Variants in TLDC2 observed in about 807,000 individuals in gnomAD.
TLDC2 encodes TBC/LysM-associated domain containing 2.
In TLDC2, 23 loss-of-function variants were observed where a neutral mutation model predicts 27.9. That is an observed-to-expected ratio of 0.82 (90% CI 0.59 to 1.17). The LOEUF is 1.17. Among genes scored for constraint, TLDC2 ranks in the 50% most tolerant of loss-of-function variants. TLDC2 has a pLI of 0.00. For missense variants in TLDC2, 286 were observed against 273.4 expected (o/e 1.05, Z -0.32); for synonymous variants, 124 against 107.4 (o/e 1.16, Z -0.96).
rs968013512 is a variant in TLDC2, at chr20:36,892,898, G to A, written c.*54G>A. Reference sequence around the variant, plus strand: ...TGAAGCCTCTAAATGAATTGTGCAGGAGAGGGAGTTTGTAAACAACTGACT... The same window carrying A: ...TGAAGCCTCTAAATGAATTGTGCAGAAGAGGGAGTTTGTAAACAACTGACT... On this transcript the variant is annotated 3_prime_UTR_variant, in exon 7 of 7. Transcript: ENST00000217320. 1 of 1,613,154 alleles carries A rather than the reference G, an allele frequency of 6.2e-7. No individual in the cohort carries two copies. The highest frequency in any genetic ancestry group is 8.5e-7 in the Non-Finnish European group (1 of 1,179,174).
At position 36,893,014 on chromosome 20, in the gene TLDC2, T is replaced by C. The variant is rs2148352199; in HGVS notation, c.*170T>C. On this transcript the variant is annotated 3_prime_UTR_variant, in exon 7 of 7. Coordinates refer to ENST00000217320, the MANE Select transcript of TLDC2 (RefSeq NM_080628.3). ...AGTTGGATTTTGGACTGAAGTACTG[T>C]CGTTCCATTCCTTTTTTTGAGGTGT... The C allele has an allele frequency of 6.2e-7, 1 of 1,614,110 alleles. No individual in the cohort carries two copies. The highest frequency in any genetic ancestry group is 8.5e-7 in the Non-Finnish European group (1 of 1,180,024).
At chr20:36,885,404 T>C (rs556424925) in intron 4 of TLDC2, among the ~76,000 whole-genome samples, 1 of 152,334 alleles carries the variant, frequency 6.6e-6, no homozygotes, top group Non-Finnish European at 1.5e-5. Flanking sequence ...AATTGGTTAA[T>C]TCTTGGCTAT....
rs1204307647 is a variant in TLDC2 at position 36,893,431 on chromosome 20, T to C, written c.*587T>C. On this transcript the variant is annotated 3_prime_UTR_variant, in exon 7 of 7. Transcript: ENST00000217320. ...AACCCCTAGCTTCTCTCTCGCCTGG[T>C]CCCCTCTGCAATAAAAGGCCCAGGT... 2.9e-6 allele frequency: 1 copy of C among 341,252 alleles called. No homozygotes were observed. The highest frequency in any genetic ancestry group is 2.1e-5 in the African/African-American group (1 of 47,844). The allele number at this position is 341,252 out of a possible 1,614,324, so 21.1% of individuals were successfully genotyped here.
intron 6 of TLDC2, 116 bp downstream of exon 6, chr20:36,889,519 CT>C: frequency 2.3e-6 from 3 of 1,304,022 alleles, no homozygotes; most frequent in South Asian, 1.6e-5. Flanking sequence ...GGCCAGCCTC[CT>C]TGTGGCCTGG....
rs1990114422 is a variant in TLDC2, at chr20:36,892,970, T to C, written c.*126T>C. The C allele has an allele frequency of 1.2e-6, 2 of 1,614,142 alleles. No homozygotes were observed. Among genetic ancestry groups the C allele is most frequent in the Non-Finnish European group, 1.7e-6 (2 of 1,180,028 alleles). ...TCTTTAAAAAGCTGGACTCTGCTTT[T>C]GGATGCTTCTCGGAGGCGAGTTGGA... On this transcript the variant is annotated 3_prime_UTR_variant, in exon 7 of 7. Coordinates refer to ENST00000217320, the MANE Select transcript of TLDC2 (RefSeq NM_080628.3).
Position 36,892,209 on chromosome 20 carries a change from C to T in TLDC2, c.*18-653C>T, listed in dbSNP as rs567631446. On this transcript the variant is annotated intron_variant, in intron 6 of 6. Transcript: ENST00000217320. ...GATCTTCCCCAAAACCTAATCAGGC[C>T]TCTCACCAGCGTGTTGGAGGCCACT... The T allele has an allele frequency of 8.5e-5, 13 of 153,162 alleles. No homozygotes were observed. The East Asian group carries it at 2.5e-3, about 29-fold the overall frequency. 9.5% of individuals were successfully genotyped at this position (153,162 alleles called of 1,614,324 possible).
At chr20:36,881,492 G>A (rs1035276712) in intron 4 of TLDC2, among the ~76,000 whole-genome samples, 7 of 152,184 alleles carry the variant, frequency 4.6e-5, no homozygotes, top group South Asian at 4.1e-4. Flanking sequence ...GGAGAACACC[G>A]GAGCAGCAGA....
chr20:36,877,015 TG>T (rs1989684707), intron 1 of TLDC2, among the ~76,000 whole-genome samples: 1 of 152,170 alleles, frequency 6.6e-6, no homozygotes, highest in South Asian at 2.1e-4. Context: ...CACATATGAC[TG>T]CATGCATCAT....
rs374355303 is a variant in TLDC2, at chr20:36,884,268, C to T, written c.439-3187C>T. 8.5e-5 allele frequency among the ~76,000 whole-genome samples: 13 copies of T among 152,326 alleles called. 1 individual carries two copies. In the South Asian group the frequency reaches 2.7e-3, roughly 32 times the overall value. On this transcript the variant is annotated intron_variant, in intron 4 of 6. Transcript: ENST00000217320. ...GCATTTCTTGCTACTTTTCCTTTCT[C>T]TCGCTCTGCTCCAACCACACTGGCC... is the stretch of plus-strand genomic sequence containing the variant.
At chr20:36,891,187 CTT>C (rs1881907051) in intron 6 of TLDC2, 1 of 152,244 alleles carries the variant, frequency 6.6e-6, no homozygotes, top group Admixed American at 6.5e-5. Flanking sequence ...TAACTATTCT[CTT>C]ATGAATTGTA....
Position 36,887,522 on chromosome 20 carries a change from G to C in TLDC2, c.506G>C (p.Ser169Thr), listed in dbSNP as rs559651135. 5.6e-6 allele frequency: 9 copies of C among 1,613,964 alleles called. 1 individual carries two copies. The East Asian group carries it at 2.0e-4, about 36-fold the overall frequency. ...GACTTGGATTCACTGATGATGGGCA[G>C]TGGCAGGTGAGTGTCTCAGTCTTCC... ...KGDLDSLMMG[S>T]GSGRFGLWLD... The change falls in exon 5 of 7, where the codon AGT (serine) becomes ACT (threonine). Residue 169 changes from serine (S) to threonine (T), a missense_variant. Transcript: ENST00000217320.
Position 36,887,444 on chromosome 20 carries a change from G to A in TLDC2, c.439-11G>A, listed in dbSNP as rs757879641. ...CTTAGTAACCTGAGCCTTTCCCTATGTATCACCCAGGTCTTTAAGTGGACT... is the reference window on the plus strand; with the variant it reads ...CTTAGTAACCTGAGCCTTTCCCTATATATCACCCAGGTCTTTAAGTGGACT... On this transcript the variant is annotated splice_polypyrimidine_tract_variant and intron_variant, in intron 4 of 6. Transcript: ENST00000217320. The A allele has an allele frequency of 9.9e-6, 16 of 1,612,846 alleles. No homozygotes were observed. Among genetic ancestry groups the A allele is most frequent in the Non-Finnish European group, 7.6e-6 (9 of 1,178,930 alleles).
intron 1 of TLDC2, among the ~76,000 whole-genome samples, chr20:36,876,734 C>T (rs1028084609): frequency 6.6e-6 from 1 of 152,074 alleles, no homozygotes; most frequent in South Asian, 2.1e-4. Flanking sequence ...CACACTCAAA[C>T]ACACATACAG....
At position 36,894,079 on chromosome 20, in the gene TLDC2, T is replaced by C; in HGVS notation, c.*1235T>C. The C allele has an allele frequency of 2.5e-6, 1 of 396,824 alleles. No individual in the cohort carries two copies. 24.6% of individuals were successfully genotyped at this position (396,824 alleles called of 1,614,324 possible). On this transcript the variant is annotated 3_prime_UTR_variant, in exon 7 of 7. Transcript: ENST00000217320. ...CCACCTGCTCCCTTGGTCTCTCCTA[T>C]CCTAGAGGTGGTAGCAGCTTCCTGC...
chr20:36,884,220 C>T (rs1025435494), intron 4 of TLDC2, among the ~76,000 whole-genome samples: 1 of 152,200 alleles, frequency 6.6e-6, no homozygotes, highest in Non-Finnish European at 1.5e-5. Context: ...GTCCCTACAA[C>T]TTCTGGCCTC....
chr20:36,892,633 A>G lies in TLDC2; in HGVS notation c.*18-229A>G, dbSNP rs1990104192. The G allele has an allele frequency of 1.0e-5, 4 of 395,396 alleles. No homozygotes were observed. In the East Asian group the frequency reaches 2.3e-4, roughly 23 times the overall value. The allele number at this position is 395,396 out of a possible 1,614,324, so 24.5% of individuals were successfully genotyped here. A position where few individuals can be genotyped will look rare whatever the true frequency, so the allele number is the denominator to read the frequency against. On this transcript the variant is annotated intron_variant, in intron 6 of 6. Transcript: ENST00000217320. The stretch of plus-strand genomic sequence containing the variant: ...CAGAGCAAAACCTTGTCTCTTAAAA[A>G]AGAAAAAAAATAGAGTTCAGAATAG...
In TLDC2 at chr20:36,894,078, A is replaced by G. The variant is rs894144844; in HGVS notation, c.*1234A>G. On this transcript the variant is annotated 3_prime_UTR_variant, in exon 7 of 7. Transcript: ENST00000217320. Reference sequence around the variant, plus strand: ...CCCACCTGCTCCCTTGGTCTCTCCTATCCTAGAGGTGGTAGCAGCTTCCTG... The same window carrying G: ...CCCACCTGCTCCCTTGGTCTCTCCTGTCCTAGAGGTGGTAGCAGCTTCCTG... 2 of 396,552 alleles carry G rather than the reference A, an allele frequency of 5.0e-6. No homozygotes were observed. Among genetic ancestry groups the G allele is most frequent in the African/African-American group, 2.1e-5 (1 of 48,582 alleles). The allele number at this position is 396,552 out of a possible 1,614,324, so 24.6% of individuals were successfully genotyped here. A position where few individuals can be genotyped will look rare whatever the true frequency, so the allele number is the denominator to read the frequency against.
In TLDC2 at chr20:36,879,130, G is replaced by A; in HGVS notation, c.279G>A (p.Leu93=). The change falls in exon 3 of 7, where the codon CTG becomes CTA. Residue 93 remains leucine (L), a synonymous_variant. Coordinates refer to ENST00000217320, the MANE Select transcript of TLDC2 (RefSeq NM_080628.3). ...TSRDGFSLQS[L]YRRMEGCSGP... is the part of the protein sequence containing the mutation. ...GGGACGGTTTCAGCCTGCAGAGCCT[G>A]TACCGGCGGATGGAGGGCTGCAGCG... is the stretch of plus-strand genomic sequence containing the variant. The A allele has an allele frequency of 6.2e-7, 1 of 1,614,158 alleles. No individual in the cohort carries two copies. The highest frequency in any genetic ancestry group is 2.2e-5 in the East Asian group (1 of 44,878).
chr20:36,883,216 A>G (rs1989851864), intron 4 of TLDC2, among the ~76,000 whole-genome samples: 4 of 151,014 alleles, frequency 2.6e-5, no homozygotes, highest in African/African-American at 9.7e-5. Context: ...GGCTCACCAC[A>G]ACCTCCACCT....
Sources: gnomAD v4.1 joint callset for allele counts (sites outside exome capture counted in the v4.1 genomes callset) on GRCh38, gnomAD v4.1.1 for gene constraint, MANE v1.5 for transcripts, NCBI Gene and HGNC (gene_info 2026-07-23, HGNC 2026-07-21) for gene names.